Variants in HS3ST4 observed in about 807,000 individuals in gnomAD.
HS3ST4 encodes heparan sulfate glucosamine 3-O-sulfotransferase 4.
HS3ST4 carries 17 observed loss-of-function variants against 29.2 expected under a neutral mutation model. The observed-to-expected ratio is 0.58, with a 90% confidence interval of 0.40 to 0.87. The LOEUF (loss-of-function observed/expected upper bound fraction) is 0.87, where lower values mean the gene tolerates loss of function less well. HS3ST4 is among the 40% of genes least tolerant of loss of function. The pLI, the probability that HS3ST4 is intolerant of heterozygous loss-of-function variation, is 0.00. For synonymous variants in HS3ST4, 314 were observed against 285.7 expected, an observed-to-expected ratio of 1.10 and a Z score of -1.00; for missense variants, 627 against 634.5, an observed-to-expected ratio of 0.99 and a Z score of 0.13.
chr16:25,841,315 T>C (rs1967411191), intron 1 of HS3ST4, among the ~76,000 whole-genome samples: 1 of 147,288 alleles, frequency 6.8e-6, no homozygotes, highest in East Asian at 2.0e-4. Flanking sequence ...ACTTTATTTT[T>C]TTGAAACAGA....
intron 1 of HS3ST4, among the ~76,000 whole-genome samples, chr16:25,893,193 G>T (rs1968027206): frequency 6.6e-6 from 1 of 152,190 alleles, no homozygotes; most frequent in Non-Finnish European, 1.5e-5. Context: ...GACTAGGATG[G>T]CTGGGGCTTA....
At chr16:25,956,951 T>C (rs1968740167) in intron 1 of HS3ST4, among the ~76,000 whole-genome samples, 1 of 138,026 alleles carries the variant, frequency 7.2e-6, no homozygotes, top group South Asian at 2.2e-4. Context: ...TGAGCCAAGA[T>C]TGAGCCACTG....
intron 1 of HS3ST4, among the ~76,000 whole-genome samples, chr16:25,829,246 C>T (rs1967269712): frequency 6.6e-6 from 1 of 152,164 alleles, no homozygotes. Context: ...TATGAAGGAG[C>T]AGAGGAGAAA....
chr16:25,730,693 C>T (rs1180661878), intron 1 of HS3ST4, among the ~76,000 whole-genome samples: 1 of 148,876 alleles, frequency 6.7e-6, no homozygotes, highest in East Asian at 2.0e-4. Context: ...TCCCTCTCTC[C>T]CTTCTTCCTT....
chr16:26,110,397 A>G (rs1899113455), intron 1 of HS3ST4, among the ~76,000 whole-genome samples: 1 of 152,180 alleles, frequency 6.6e-6, no homozygotes, highest in South Asian at 2.1e-4. Flanking sequence ...CAAACATACC[A>G]TGTGTGAAGC....
intron 1 of HS3ST4, among the ~76,000 whole-genome samples, chr16:25,837,493 C>T (rs764834697): frequency 1.8e-4 from 27 of 152,142 alleles, no homozygotes; most frequent in Non-Finnish European, 2.9e-4. Context: ...AGAATAAGAA[C>T]GCTTTCTCAT....
At chr16:25,747,785 A>G (rs902273682) in intron 1 of HS3ST4, among the ~76,000 whole-genome samples, 1 of 152,148 alleles carries the variant, frequency 6.6e-6, no homozygotes, top group South Asian at 2.1e-4. Flanking sequence ...ATTGCAGACA[A>G]TTCGTAGTTG....
At chr16:25,914,873 C>T (rs1471059762) in intron 1 of HS3ST4, among the ~76,000 whole-genome samples, 2 of 151,764 alleles carry the variant, frequency 1.3e-5, no homozygotes, top group Non-Finnish European at 2.9e-5. Flanking sequence ...TTGGAAAGAT[C>T]ATTTTATTGA....
chr16:26,130,751 C>T (rs755599360), intron 1 of HS3ST4, among the ~76,000 whole-genome samples: 4 of 152,178 alleles, frequency 2.6e-5, no homozygotes, highest in Non-Finnish European at 4.4e-5. Context: ...AGAGGACAGT[C>T]GTGTCTTCTT....
chr16:26,072,862 CATT>C (rs1319831088), intron 1 of HS3ST4, among the ~76,000 whole-genome samples: 1 of 152,096 alleles, frequency 6.6e-6, no homozygotes, highest in African/African-American at 2.4e-5. Context: ...CTTTCAAGAT[CATT>C]GAGTTTGGTG....
intron 1 of HS3ST4, among the ~76,000 whole-genome samples, chr16:25,800,088 T>G (rs866426199): frequency 4.1e-5 from 6 of 145,498 alleles, no homozygotes; most frequent in East Asian, 2.0e-4. Context: ...CTTCCTTCCT[T>G]CCTGCCTTCC....
In HS3ST4 at chr16:25,884,430, C is replaced by G. The variant is rs143979681; in HGVS notation, c.734+191279C>G. On this transcript the variant is annotated intron_variant, in intron 1 of 1. Coordinates refer to ENST00000331351, the MANE Select transcript of HS3ST4 (RefSeq NM_006040.3). ...ACATGTGCCCGCAGGCAAAGTTCAA[C>G]AAATCCTGTTTAATTTTTAAAATAA... 1.4e-4 allele frequency among the ~76,000 whole-genome samples: 22 copies of G among 152,356 alleles called. No homozygotes were observed. The East Asian group carries it at 4.1e-3, about 28-fold the overall frequency.
At chr16:25,967,128 G>C (rs1218009032) in intron 1 of HS3ST4, among the ~76,000 whole-genome samples, 1 of 152,140 alleles carries the variant, frequency 6.6e-6, no homozygotes, top group African/African-American at 2.4e-5. Context: ...CTGATCCAAT[G>C]CAAGACATGT....
chr16:25,938,957 T>A (rs758516278), intron 1 of HS3ST4, among the ~76,000 whole-genome samples: 1 of 152,222 alleles, frequency 6.6e-6, no homozygotes, highest in Non-Finnish European at 1.5e-5. Flanking sequence ...GGAATGTCTG[T>A]CTCATGCTGT....
At chr16:25,862,966 A>C (rs1002645489) in intron 1 of HS3ST4, among the ~76,000 whole-genome samples, 1 of 152,130 alleles carries the variant, frequency 6.6e-6, no homozygotes, top group Admixed American at 6.5e-5. Context: ...ATCTTTGTCA[A>C]ATATGTGTAG....
At chr16:25,747,548 T>A (rs959291251) in intron 1 of HS3ST4, among the ~76,000 whole-genome samples, 1 of 152,210 alleles carries the variant, frequency 6.6e-6, no homozygotes, top group African/African-American at 2.4e-5. Flanking sequence ...CCTCATTTAA[T>A]CCTCACGACT....
At chr16:26,038,653 A>T (rs1267181636) in intron 1 of HS3ST4, among the ~76,000 whole-genome samples, 2 of 141,444 alleles carry the variant, frequency 1.4e-5, no homozygotes, top group African/African-American at 5.4e-5. Flanking sequence ...TTTTTTTTTA[A>T]TTATGTATGT....
At chr16:25,933,989 G>T (rs1351464606) in intron 1 of HS3ST4, among the ~76,000 whole-genome samples, 1 of 152,186 alleles carries the variant, frequency 6.6e-6, no homozygotes, top group Non-Finnish European at 1.5e-5. Context: ...CATATCAGCT[G>T]GTTTTCCCAG....
chr16:25,860,704 A>C (rs1429291340), intron 1 of HS3ST4, among the ~76,000 whole-genome samples: 1 of 152,192 alleles, frequency 6.6e-6, no homozygotes, highest in East Asian at 1.9e-4. Flanking sequence ...GTGGTGGCCA[A>C]GGTCTGGGGA....
Sources: allele counts gnomAD v4.1 joint callset (sites outside exome capture counted in the v4.1 genomes callset), GRCh38; gene constraint gnomAD v4.1.1; transcripts MANE v1.5; gene names NCBI Gene and HGNC (gene_info 2026-07-23, HGNC 2026-07-21).